KCNB2: variants seen among roughly 807,000 people sequenced by gnomAD.
KCNB2 encodes the protein potassium voltage-gated channel subfamily B member 2, also known as delayed rectifier potassium channel protein.
In KCNB2, 15 loss-of-function variants were observed where a neutral mutation model predicts 61.5. The observed-to-expected ratio is 0.24, with a 90% CI of 0.16 to 0.38. KCNB2 has a LOEUF of 0.38. Among genes scored for constraint, KCNB2 ranks in the 10% least tolerant of loss-of-function variants. KCNB2 has a pLI of 1.00. For synonymous variants in KCNB2, 457 were observed against 446.0 expected (o/e 1.02, Z -0.31); for missense variants, 828 against 1,125.2 (o/e 0.74, Z 3.78).
intron 2 of KCNB2, among the ~76,000 whole-genome samples, chr8:72,721,613 C>T (rs966604887): frequency 1.1e-4 from 17 of 152,154 alleles, no homozygotes; most frequent in Admixed American, 6.5e-4. Context: ...ATCCCTGGTG[C>T]AGGACTCTAC....
At chr8:72,745,954 G>C (rs910253224) in intron 2 of KCNB2, among the ~76,000 whole-genome samples, 4 of 152,070 alleles carry the variant, frequency 2.6e-5, no homozygotes, top group Non-Finnish European at 5.9e-5. Context: ...TACCTCCCAA[G>C]AACCAAGGAC....
chr8:72,680,631 C>T (rs1806735205), intron 2 of KCNB2, among the ~76,000 whole-genome samples: 2 of 152,114 alleles, frequency 1.3e-5, no homozygotes, highest in Admixed American at 6.5e-5. Flanking sequence ...TGGGAGCTAC[C>T]TCCTGACTCT....
At chr8:72,847,988 C>T (rs1315077204) in intron 2 of KCNB2, among the ~76,000 whole-genome samples, 1 of 152,172 alleles carries the variant, frequency 6.6e-6, no homozygotes. Flanking sequence ...TCATTCTCCT[C>T]ACAGTAGATC....
At chr8:72,538,322 C>G (rs1430986262) in intron 1 of KCNB2, among the ~76,000 whole-genome samples, 1 of 151,414 alleles carries the variant, frequency 6.6e-6, no homozygotes, top group African/African-American at 2.4e-5. Flanking sequence ...TTCTGTAGCA[C>G]GATTCCTGAG....
chr8:72,777,961 C>T (rs908159084), intron 2 of KCNB2, among the ~76,000 whole-genome samples: 1 of 152,168 alleles, frequency 6.6e-6, no homozygotes, highest in Non-Finnish European at 1.5e-5. Context: ...TCCCATTATT[C>T]CAGACAGCCT....
chr8:72,790,971 A>G (rs1808932002), intron 2 of KCNB2, among the ~76,000 whole-genome samples: 1 of 152,218 alleles, frequency 6.6e-6, no homozygotes, highest in South Asian at 2.1e-4. Flanking sequence ...GATGAGAATG[A>G]AGAAAACAAC....
At chr8:72,888,775 G>A (rs1805848575) in intron 2 of KCNB2, among the ~76,000 whole-genome samples, 1 of 152,126 alleles carries the variant, frequency 6.6e-6, no homozygotes, top group Non-Finnish European at 1.5e-5. Context: ...GGGAACATAA[G>A]CCAGTCTCTC....
intron 2 of KCNB2, among the ~76,000 whole-genome samples, chr8:72,842,119 GAGAGTT>G (rs1809901677): frequency 1.3e-3 from 7 of 5,476 alleles, no homozygotes; most frequent in Non-Finnish European, 0.011. Context: ...CTAGTTTATT[GAGAGTT>G]GAGAGTTTTT....
At chr8:72,881,519 C>G (rs1476086669) in intron 2 of KCNB2, 1 of 3,176 alleles carries the variant, frequency 3.1e-4, no homozygotes, top group East Asian at 6.7e-4. Context: ...CAGAAATCAC[C>G]GTCTTCTGCG....
intron 2 of KCNB2, among the ~76,000 whole-genome samples, chr8:72,871,843 CT>C (rs1355973367): frequency 1.3e-5 from 2 of 152,284 alleles, no homozygotes; most frequent in East Asian, 3.9e-4. Context: ...AGAAAACATA[CT>C]TTGTATTATA....
chr8:72,745,887 C>T (rs1004259808), intron 2 of KCNB2, among the ~76,000 whole-genome samples: 1 of 152,104 alleles, frequency 6.6e-6, no homozygotes, highest in African/African-American at 2.4e-5. Flanking sequence ...GCTCAGAGGC[C>T]CACCATGAAT....
intron 2 of KCNB2, among the ~76,000 whole-genome samples, chr8:72,898,831 T>C (rs988304089): frequency 5.3e-5 from 8 of 152,172 alleles, no homozygotes; most frequent in Non-Finnish European, 8.8e-5. Context: ...GTTGTTTCCA[T>C]TGTCCCCATC....
chr8:72,542,842 G>A (rs183654742), intron 1 of KCNB2, among the ~76,000 whole-genome samples: 1 of 152,236 alleles, frequency 6.6e-6, no homozygotes, highest in Admixed American at 6.5e-5. Flanking sequence ...TCATCCTAAA[G>A]GTATCTACTC....
chr8:72,659,641 C>T (rs80076917), intron 2 of KCNB2, among the ~76,000 whole-genome samples: 1 of 152,230 alleles, frequency 6.6e-6, no homozygotes, highest in East Asian at 1.9e-4. Context: ...ATATGGCGAA[C>T]TTCATTGTTG....
intron 2 of KCNB2, among the ~76,000 whole-genome samples, chr8:72,610,670 G>C (rs1025151354): frequency 6.6e-6 from 1 of 152,074 alleles, no homozygotes; most frequent in Non-Finnish European, 1.5e-5. Context: ...ATGATGTAAG[G>C]TTTATTATTA....
intron 2 of KCNB2, among the ~76,000 whole-genome samples, chr8:72,759,584 C>A (rs1808344378): frequency 6.6e-6 from 1 of 152,120 alleles, no homozygotes; most frequent in South Asian, 2.1e-4. Flanking sequence ...ATGAATTAAC[C>A]AAACTGCAAC....
intron 2 of KCNB2, among the ~76,000 whole-genome samples, chr8:72,819,110 T>C (rs1304629099): frequency 6.6e-6 from 1 of 152,222 alleles, no homozygotes; most frequent in South Asian, 2.1e-4. Context: ...AAAATAATGA[T>C]TCTTCCAAGG....
intron 2 of KCNB2, among the ~76,000 whole-genome samples, chr8:72,570,863 G>A (rs1806697782): frequency 1.3e-5 from 2 of 152,130 alleles, no homozygotes; most frequent in African/African-American, 2.4e-5. Context: ...TGCTTATTCA[G>A]TATGGTAATT....
chr8:72,701,589 A>G (rs767155166), intron 2 of KCNB2, among the ~76,000 whole-genome samples: 44 of 152,114 alleles, frequency 2.9e-4, no homozygotes, highest in Admixed American at 6.6e-4. Flanking sequence ...CATACTTTCT[A>G]GATTAGGAAA....
Sources: gnomAD v4.1 joint callset for allele counts (sites outside exome capture counted in the v4.1 genomes callset) on GRCh38, gnomAD v4.1.1 for gene constraint, MANE v1.5 for transcripts, NCBI Gene and HGNC (gene_info 2026-07-23, HGNC 2026-07-21) for gene names.